The following INPP5D variants were observed in gnomAD, a reference collection of about 807,000 sequenced individuals.
INPP5D encodes the protein phosphatidylinositol 3,4,5-trisphosphate 5-phosphatase 1.
Under a neutral mutation model 122.9 loss-of-function variants are expected in INPP5D, and 33 were observed. The observed-to-expected ratio is 0.27, with a 90% CI of 0.20 to 0.36. The LOEUF is 0.36. Among genes scored for constraint, INPP5D ranks in the 10% least tolerant of loss-of-function variants. INPP5D has a pLI of 1.00. For synonymous variants in INPP5D, 584 were observed against 576.2 expected, an observed-to-expected ratio of 1.01 and a Z score of -0.19; for missense variants, 1,053 against 1,412.7, an observed-to-expected ratio of 0.75 and a Z score of 4.08.
At chr2:233,065,583 CTTT>C (rs1691193166) in intron 1 of INPP5D, among the ~76,000 whole-genome samples, 3 of 8,234 alleles carry the variant, frequency 3.6e-4, no homozygotes, top group Admixed American at 3.1e-3. Flanking sequence ...TTCTTTCCTT[CTTT>C]CTTTCTTTCT....
chr2:233,151,840 C>T (rs145129423), intron 9 of INPP5D, among the ~76,000 whole-genome samples: 77,464 of 152,066 alleles, frequency 0.51, 20,388 homozygotes, highest in East Asian at 0.67. Context: ...AATGAAGGAA[C>T]GCACACAGGA....
At position 233,130,615 on chromosome 2, in the gene INPP5D, A is replaced by C. The variant is rs767953845; in HGVS notation, c.632A>C (p.Lys211Thr). Residue 211 changes from lysine to threonine, a missense_variant, in exon 5 of 27, where the codon AAA becomes ACA. Coordinates refer to ENST00000445964, the MANE Select transcript of INPP5D (RefSeq NM_001017915.3). ...TGSSSLPHLK[K>T]LTTLLCKELY... ...TCCAGCAGTCTTCCTCACCTGAAGA[A>C]ACTGACCACACTGCTCTGCAAGGAG... The C allele has an allele frequency of 6.2e-7, 1 of 1,614,010 alleles. No homozygotes were observed. Among genetic ancestry groups the C allele is most frequent in the East Asian group, 2.2e-5 (1 of 44,886 alleles).
At chr2:233,111,364 A>G (rs1043025645) in intron 2 of INPP5D, among the ~76,000 whole-genome samples, 5 of 152,182 alleles carry the variant, frequency 3.3e-5, no homozygotes, top group African/African-American at 4.8e-5. Flanking sequence ...ACACACACAC[A>G]CGCACACACA....
intron 3 of INPP5D, among the ~76,000 whole-genome samples, chr2:233,122,483 T>C (rs999970634): frequency 3.3e-5 from 5 of 152,186 alleles, no homozygotes; most frequent in Non-Finnish European, 7.4e-5. Context: ...CTGACCTCTC[T>C]GAATCACAGA....
intron 5 of INPP5D, among the ~76,000 whole-genome samples, chr2:233,133,474 T>C (rs1351126281): frequency 6.6e-6 from 1 of 151,698 alleles, no homozygotes; most frequent in African/African-American, 2.4e-5. Context: ...GGAACAGAGG[T>C]TGGGGAGAGG....
chr2:233,177,467 G>T lies in INPP5D; in HGVS notation c.2071+121G>T. ...GATGTGTCAAAGGGAGGAATTCACT[G>T]TAACCCTAATCAGGCGACCTGGAAA... On this transcript the variant is annotated intron_variant, in intron 18 of 26. Coordinates refer to ENST00000445964, the MANE Select transcript of INPP5D (RefSeq NM_001017915.3). This position sits in a 1 kb window ranked among gnomAD's most constrained non-coding sequence, Gnocchi z 4.2. The T allele has an allele frequency of 6.5e-7, 1 of 1,533,054 alleles. No individual in the cohort carries two copies. 95.0% of individuals were successfully genotyped at this position (1,533,054 alleles called of 1,614,324 possible).
chr2:233,162,379 T>TAGTATATATAAATATGCTAAATATATAC, intron 11 of INPP5D, among the ~76,000 whole-genome samples: 1 of 150,538 alleles, frequency 6.6e-6, no homozygotes, highest in Non-Finnish European at 1.5e-5. Flanking sequence ...GCTGAATATA[T>TAGTATATATAAATATGCTAAATATATAC]AGTATATATA....
chr2:233,179,274 G>A (rs1322104720), intron 18 of INPP5D, among the ~76,000 whole-genome samples: 1 of 152,320 alleles, frequency 6.6e-6, no homozygotes, highest in African/African-American at 2.4e-5. Flanking sequence ...GGACTCTCCA[G>A]GCCTGTCACT....
At chr2:233,108,800 T>C (rs1369728285) in intron 2 of INPP5D, among the ~76,000 whole-genome samples, 1 of 152,178 alleles carries the variant, frequency 6.6e-6, no homozygotes, top group Non-Finnish European at 1.5e-5. Flanking sequence ...AATGTGCAGG[T>C]GTCTGACAGG....
At chr2:233,116,479 G>T (rs1692799262) in intron 2 of INPP5D, among the ~76,000 whole-genome samples, 1 of 151,982 alleles carries the variant, frequency 6.6e-6, no homozygotes, top group South Asian at 2.1e-4. Flanking sequence ...TGTAGAGACA[G>T]GTTTCATCAT....
At chr2:233,117,556 C>T (rs965546407) in intron 2 of INPP5D, among the ~76,000 whole-genome samples, 7 of 152,164 alleles carry the variant, frequency 4.6e-5, no homozygotes, top group African/African-American at 1.4e-4. Flanking sequence ...CTGGGCGGCC[C>T]CCTCTGGGTT....
chr2:233,089,338 A>G (rs1245627266), intron 2 of INPP5D, among the ~76,000 whole-genome samples: 1 of 152,212 alleles, frequency 6.6e-6, no homozygotes, highest in Non-Finnish European at 1.5e-5. Context: ...TGTTGCTATG[A>G]TCACTATTCC....
chr2:233,147,416 C>T, intron 8 of INPP5D, 55 bp from the exon 9 acceptor site: 1 of 699,038 alleles, frequency 1.4e-6, no homozygotes. Flanking sequence ...GCGGGGGAAG[C>T]CTTGCAAAAG....
In INPP5D at chr2:233,182,538, A is replaced by G. The variant is rs1202812491; in HGVS notation, c.2161+39A>G. ...GGTGTCTGTTTCTCTGTTTTCCTCAATGACAAGGAGTGTTGGGAGCTTGTC... is the reference window on the plus strand; with the variant it reads ...GGTGTCTGTTTCTCTGTTTTCCTCAGTGACAAGGAGTGTTGGGAGCTTGTC... On this transcript the variant is annotated intron_variant, in intron 19 of 26. Coordinates refer to ENST00000445964, the MANE Select transcript of INPP5D (RefSeq NM_001017915.3). 7.5e-6 allele frequency: 12 copies of G among 1,608,398 alleles called. No individual in the cohort carries two copies. In the East Asian group the frequency reaches 1.3e-4, roughly 18 times the overall value.
At chr2:233,204,085 C>G in intron 25 of INPP5D, 41 bp from the exon 26 acceptor site, 4 of 1,468,920 alleles carry the variant, frequency 2.7e-6, no homozygotes, top group Non-Finnish European at 3.6e-6. Flanking sequence ...CATGTCTTCT[C>G]CCCTGGACAT....
intron 13 of INPP5D, among the ~76,000 whole-genome samples, chr2:233,165,493 TGA>T (rs547350070): frequency 5.9e-4 from 89 of 152,058 alleles, no homozygotes; most frequent in African/African-American, 2.1e-3. Context: ...TGTATTTATG[TGA>T]GTCTATGTAT....
rs1481183285 is a variant in INPP5D at position 233,204,331 on chromosome 2, G to C, written c.3181G>C (p.Val1061Leu). Reference sequence around the variant, plus strand: ...ACCCGGCATCTTGTCGCCCAGCATCGTGCTCACCAAAGCCCAGGAGGCTGA... The same window carrying C: ...ACCCGGCATCTTGTCGCCCAGCATCCTGCTCACCAAAGCCCAGGAGGCTGA... ...PEPGILSPSIVLTKAQEADRG... is the reference protein window; with the variant it reads ...PEPGILSPSILLTKAQEADRG... Residue 1061 changes from valine (V) to leucine (L), a missense_variant, in exon 26 of 27, where the codon GTG becomes CTG. Val to Leu is a conservative substitution (Grantham distance 32). Around this residue, in one of 6 missense-constraint regions of INPP5D, gnomAD observed 417 missense variants for 425.8 expected, o/e 0.98. Transcript: ENST00000445964. The C allele has an allele frequency of 1.9e-6, 3 of 1,611,406 alleles. No homozygotes were observed. Among genetic ancestry groups the C allele is most frequent in the Non-Finnish European group, 1.7e-6 (2 of 1,178,928 alleles).
At chr2:233,138,712 A>T (rs1451001888) in intron 5 of INPP5D, among the ~76,000 whole-genome samples, 2 of 150,918 alleles carry the variant, frequency 1.3e-5, no homozygotes, top group Admixed American at 6.6e-5. Context: ...AAAGTTGTTC[A>T]GAGCAGGTTT....
intron 22 of INPP5D, among the ~76,000 whole-genome samples, chr2:233,192,150 G>A (rs958787943): frequency 6.6e-6 from 1 of 152,204 alleles, no homozygotes; most frequent in Non-Finnish European, 1.5e-5. Flanking sequence ...GGCCCTAATA[G>A]GGATCCCCTC....
Sources: gnomAD v4.1 joint callset for allele counts (sites outside exome capture counted in the v4.1 genomes callset) on GRCh38, gnomAD v4.1.1 for gene constraint, gnomAD v4.1.1 regional missense constraint, Gnocchi (gnomAD v3.1) non-coding constraint, MANE v1.5 for transcripts, NCBI Gene and HGNC (gene_info 2026-07-23, HGNC 2026-07-21) for gene names.